The following MGAT5 variants were observed in gnomAD, a reference collection of about 807,000 sequenced individuals.
MGAT5 encodes the protein alpha-1,6-mannosylglycoprotein 6-beta-N-acetylglucosaminyltransferase A.
In MGAT5, 30 loss-of-function variants were observed where a neutral mutation model predicts 94.3. That is an observed-to-expected ratio of 0.32 (90% CI 0.24 to 0.43). The LOEUF is 0.43. Among genes scored for constraint, MGAT5 ranks in the 20% least tolerant of loss-of-function variants. The pLI is 1.00. For missense variants in MGAT5, 691 were observed against 905.5 expected, an observed-to-expected ratio of 0.76 and a Z score of 3.04; for synonymous variants, 310 against 322.9, an observed-to-expected ratio of 0.96 and a Z score of 0.43.
chr2:134,327,738 C>T (rs1478551947), intron 4 of MGAT5, among the ~76,000 whole-genome samples: 1 of 152,084 alleles, frequency 6.6e-6, no homozygotes, highest in Non-Finnish European at 1.5e-5. Context: ...CTGTAATGCT[C>T]TGTAATATTA....
chr2:134,215,879 T>G (rs557048556), intron 1 of MGAT5, among the ~76,000 whole-genome samples: 1 of 152,208 alleles, frequency 6.6e-6, no homozygotes, highest in Non-Finnish European at 1.5e-5. Flanking sequence ...GTATTTGTCT[T>G]TTTCACCTTA....
Position 134,186,566 on chromosome 2 carries a change from C to T in MGAT5, c.-143+66275C>T, listed in dbSNP as rs745996547. On this transcript the variant is annotated intron_variant, in intron 1 of 16. Coordinates refer to the MGAT5 transcript ENST00000409645. Reference sequence around the variant, plus strand: ...GTCCATGTCTTCCTAGGGTCAGAATCGGAGCACGTTAATTGGAGCAGTTGG... The same window carrying T: ...GTCCATGTCTTCCTAGGGTCAGAATTGGAGCACGTTAATTGGAGCAGTTGG... Among the ~76,000 whole-genome samples, 47 of 152,196 alleles carry T rather than the reference C, an allele frequency of 3.1e-4. 1 individual carries two copies. In the South Asian group the frequency reaches 3.1e-3, roughly 10 times the overall value.
At chr2:134,187,236 C>T (rs533742865) in intron 1 of MGAT5, among the ~76,000 whole-genome samples, 1 of 152,216 alleles carries the variant, frequency 6.6e-6, no homozygotes, top group East Asian at 1.9e-4. Context: ...GGAGGAGGTC[C>T]TGAGTTGATT....
intron 8 of MGAT5, among the ~76,000 whole-genome samples, chr2:134,348,257 C>T (rs773486746): frequency 2.0e-5 from 3 of 152,190 alleles, no homozygotes; most frequent in Non-Finnish European, 2.9e-5. Flanking sequence ...GGCTTTATTT[C>T]TGCCCACCTA....
At chr2:134,434,311 C>G (rs1033794349) in intron 14 of MGAT5, among the ~76,000 whole-genome samples, 1 of 152,154 alleles carries the variant, frequency 6.6e-6, no homozygotes, top group Non-Finnish European at 1.5e-5. Flanking sequence ...TTGTTTAGAA[C>G]ATTGTTCCGT....
chr2:134,379,003 C>A (rs1459523269), intron 10 of MGAT5, among the ~76,000 whole-genome samples: 1 of 152,140 alleles, frequency 6.6e-6, no homozygotes, highest in Non-Finnish European at 1.5e-5. Context: ...GGTTGAGGCC[C>A]CCGGCTTTCA....
At chr2:134,361,323 A>G (rs1248826318) in intron 9 of MGAT5, among the ~76,000 whole-genome samples, 2 of 152,240 alleles carry the variant, frequency 1.3e-5, no homozygotes, top group Non-Finnish European at 2.9e-5. Context: ...AGAGCCAAGC[A>G]GAGCAGTTGC....
At chr2:134,399,660 T>G (rs1558858223) in intron 10 of MGAT5, among the ~76,000 whole-genome samples, 3 of 152,166 alleles carry the variant, frequency 2.0e-5, no homozygotes, top group African/African-American at 7.2e-5. Flanking sequence ...CAGAGATCTG[T>G]TGGTGATAAA....
Position 134,389,668 on chromosome 2 carries a change from T to G in MGAT5, c.1381-13320T>G, listed in dbSNP as rs558869649. On this transcript the variant is annotated intron_variant, in intron 10 of 15. Coordinates refer to ENST00000281923, the MANE Select transcript of MGAT5 (RefSeq NM_002410.5). Reference sequence around the variant, plus strand: ...TGTGTGAAGGTGACCTGAATAAATTTGGAATCAAAACTAATACAGGTTATG... The same window carrying G: ...TGTGTGAAGGTGACCTGAATAAATTGGGAATCAAAACTAATACAGGTTATG... Among the ~76,000 whole-genome samples, 5 of 152,334 alleles carry G rather than the reference T, an allele frequency of 3.3e-5. No homozygotes were observed. The East Asian group carries it at 9.6e-4, about 29-fold the overall frequency.
chr2:134,154,416 GC>G (rs759366947), intron 1 of MGAT5, among the ~76,000 whole-genome samples: 4 of 152,180 alleles, frequency 2.6e-5, no homozygotes, highest in South Asian at 2.1e-4. Flanking sequence ...GCCTATCCAT[GC>G]TGTGTTCAGA....
At chr2:134,381,382 T>TAGGA (rs1553457734) in intron 10 of MGAT5, among the ~76,000 whole-genome samples, 4 of 108,512 alleles carry the variant, frequency 3.7e-5, no homozygotes, top group Non-Finnish European at 7.9e-5. Flanking sequence ...ATAAGATAGA[T>TAGGA]TAGATAGATA....
At chr2:134,189,602 G>GTTGTTTTTT (rs1689232395) in intron 1 of MGAT5, among the ~76,000 whole-genome samples, 18 of 84,668 alleles carry the variant, frequency 2.1e-4, no homozygotes, top group African/African-American at 8.6e-4. Flanking sequence ...GTTTTTTTTT[G>GTTGTTTTTT]TTTTTTTTTT....
intron 5 of MGAT5, among the ~76,000 whole-genome samples, chr2:134,337,955 C>T (rs1009093843): frequency 1.3e-5 from 2 of 152,164 alleles, no homozygotes; most frequent in Admixed American, 6.5e-5. Context: ...TTTCAAGGTA[C>T]ATCAACCATA....
At chr2:134,123,596 T>C (rs1479728853) in intron 1 of MGAT5, among the ~76,000 whole-genome samples, 2 of 152,020 alleles carry the variant, frequency 1.3e-5, no homozygotes, top group African/African-American at 4.8e-5. Context: ...TGGTTGGGGG[T>C]GGCATTCTGT....
At chr2:134,192,271 C>A (rs1679261625) in intron 1 of MGAT5, among the ~76,000 whole-genome samples, 1 of 152,142 alleles carries the variant, frequency 6.6e-6, no homozygotes, top group Non-Finnish European at 1.5e-5. Context: ...TCCTCCTTTT[C>A]TCTTCCTCCT....
intron 1 of MGAT5, among the ~76,000 whole-genome samples, chr2:134,141,168 AC>A (rs1417614758): frequency 6.6e-5 from 10 of 152,198 alleles, no homozygotes; most frequent in African/African-American, 2.2e-4. Flanking sequence ...ATGCTTTTCT[AC>A]CATGTTCTGA....
At chr2:134,148,951 G>A (rs917925620) in intron 1 of MGAT5, among the ~76,000 whole-genome samples, 4 of 151,952 alleles carry the variant, frequency 2.6e-5, no homozygotes, top group Non-Finnish European at 4.4e-5. Flanking sequence ...TTTTAGTAGA[G>A]GCTTGGTTTC....
rs777633253 is a variant in MGAT5, at chr2:134,405,523, A to G, written c.1530+2386A>G. ...ACATGAAAGACCAGTCAGGCTTCGCATCTATAACCCTTTCTGTCTCTGACT... is the reference window on the plus strand; with the variant it reads ...ACATGAAAGACCAGTCAGGCTTCGCGTCTATAACCCTTTCTGTCTCTGACT... On this transcript the variant is annotated intron_variant, in intron 11 of 15. Transcript: ENST00000281923. 2.6e-4 allele frequency among the ~76,000 whole-genome samples: 40 copies of G among 152,348 alleles called. No individual in the cohort carries two copies. In the Middle Eastern group the frequency reaches 0.02, roughly 78 times the overall value.
chr2:134,324,756 G>C lies in MGAT5; in HGVS notation c.573+6017G>C, dbSNP rs1687542490. ...AAAAACAACTAACGTTTTGGGGTGG[G>C]TCAGGGAGTACTTTAAAAATATCAC... On this transcript the variant is annotated intron_variant, in intron 4 of 15. Transcript: ENST00000281923. Among the ~76,000 whole-genome samples the C allele has an allele frequency of 2.0e-5, 3 of 152,070 alleles. No homozygotes were observed. In the South Asian group the frequency reaches 6.2e-4, roughly 32 times the overall value.
Sources: allele counts gnomAD v4.1 joint callset (sites outside exome capture counted in the v4.1 genomes callset), GRCh38; gene constraint gnomAD v4.1.1; transcripts MANE v1.5; gene names NCBI Gene and HGNC (gene_info 2026-07-23, HGNC 2026-07-21).